The following MAP3K14 variants were observed in gnomAD, a reference collection of about 807,000 sequenced individuals.
The protein encoded by MAP3K14 is NF-kappa-beta-inducing kinase.
In MAP3K14, 16 loss-of-function variants were observed where a neutral mutation model predicts 99.2. The observed-to-expected ratio is 0.16, with a 90% CI of 0.11 to 0.24. The LOEUF is 0.24. Among genes scored for constraint, MAP3K14 ranks in the 10% least tolerant of loss-of-function variants. The pLI is 1.00. For missense variants in MAP3K14, 784 were observed against 1,208.7 expected (o/e 0.65, Z 5.21); for synonymous variants, 462 against 492.4 (o/e 0.94, Z 0.82).
chr17:45,291,562 G>A (rs1264487788), intron 1 of MAP3K14, among the ~76,000 whole-genome samples: 2 of 152,136 alleles, frequency 1.3e-5, no homozygotes, highest in African/African-American at 4.8e-5. Flanking sequence ...AAGAATTCAC[G>A]TCTCTCTGGG....
chr17:45,288,377 T>G (rs1031485479), intron 3 of MAP3K14, among the ~76,000 whole-genome samples: 148 of 98,640 alleles, frequency 1.5e-3, no homozygotes, highest in Non-Finnish European at 2.7e-3. Context: ...GCTTGAACTC[T>G]TGTTTTTTTT....
intron 1 of MAP3K14, among the ~76,000 whole-genome samples, chr17:45,296,397 C>T (rs879512290): frequency 1.3e-5 from 2 of 152,042 alleles, no homozygotes; most frequent in South Asian, 2.1e-4. Flanking sequence ...TGGTGGCACA[C>T]GCCTGTAGTC....
intron 1 of MAP3K14, among the ~76,000 whole-genome samples, chr17:45,300,391 T>A (rs575245310): frequency 2.3e-4 from 35 of 152,320 alleles, no homozygotes; most frequent in Admixed American, 2.1e-3. Flanking sequence ...CTCAAAGACA[T>A]CTGCTGGCTC....
Position 45,292,684 on chromosome 17 carries a change from C to A in MAP3K14, c.-20-1919G>T, listed in dbSNP as rs187882829. 2.6e-5 allele frequency among the ~76,000 whole-genome samples: 4 copies of A among 152,276 alleles called. 1 individual carries two copies. In the East Asian group the frequency reaches 5.8e-4, roughly 22 times the overall value. On this transcript the variant is annotated intron_variant, in intron 1 of 15. Transcript: ENST00000344686. ...CCTCACACCTCCCCACCCCACTCTA[C>A]CTCCAAAAAAGAAACTGACCTAAGC...
chr17:45,298,023 T>G (rs913955917), intron 1 of MAP3K14, among the ~76,000 whole-genome samples: 2 of 152,156 alleles, frequency 1.3e-5, no homozygotes, highest in Admixed American at 6.6e-5. Context: ...CTGGCCAGTT[T>G]AAATCGTTTT....
At chr17:45,290,014 C>T (rs1053416640) in intron 2 of MAP3K14, among the ~76,000 whole-genome samples, 2 of 152,220 alleles carry the variant, frequency 1.3e-5, no homozygotes, top group Admixed American at 6.5e-5. Flanking sequence ...TCTCACCCTG[C>T]AGCAGCCTGC....
chr17:45,267,925 C>T lies in MAP3K14; in HGVS notation c.1973-166G>A. On this transcript the variant is annotated intron_variant, in intron 11 of 15. Transcript: ENST00000344686. The surrounding 1 kb of genome is among the most constrained non-coding windows in gnomAD (Gnocchi z 5.1). ...GCTCCAGAGGGCAGCATGGTGGTCT[C>T]CACAGGAGACTTCCTCAATAAAATG... 1.7e-6 allele frequency: 1 copy of T among 588,388 alleles called. No individual in the cohort carries two copies. Among genetic ancestry groups the T allele is most frequent in the Non-Finnish European group, 2.9e-6 (1 of 339,294 alleles). 36.4% of individuals were successfully genotyped at this position (588,388 alleles called of 1,614,324 possible). A position where few individuals can be genotyped will look rare whatever the true frequency, so the allele number is the denominator to read the frequency against.
At chr17:45,287,570 T>C (rs2044277775) in intron 3 of MAP3K14, among the ~76,000 whole-genome samples, 1 of 152,240 alleles carries the variant, frequency 6.6e-6, no homozygotes, top group South Asian at 2.1e-4. Context: ...TTTTCTGCCA[T>C]ACAGGGTGGA....
In MAP3K14 at chr17:45,267,767, A is replaced by T. The variant is rs2044106591; in HGVS notation, c.1973-8T>A. ...GGCTCTTCAGACCTCCCACTAGAAA[A>T]CAGAGAGTACAATGGTGAGGGGAAG... On this transcript the variant is annotated splice_polypyrimidine_tract_variant and splice_region_variant and intron_variant, in intron 11 of 15. Coordinates refer to ENST00000344686, the MANE Select transcript of MAP3K14 (RefSeq NM_003954.5). This position sits in a 1 kb window ranked among gnomAD's most constrained non-coding sequence, Gnocchi z 5.1. The T allele has an allele frequency of 1.2e-6, 2 of 1,602,156 alleles. No individual in the cohort carries two copies. Among genetic ancestry groups the T allele is most frequent in the East Asian group, 4.5e-5 (2 of 44,848 alleles).
chr17:45,304,000 CT>C (rs1467237359), intron 1 of MAP3K14, among the ~76,000 whole-genome samples: 1 of 146,266 alleles, frequency 6.8e-6, no homozygotes, highest in Non-Finnish European at 1.5e-5. Context: ...AGATTTATTT[CT>C]TTTCTTTTCT....
chr17:45,297,115 G>A (rs1026792057), intron 1 of MAP3K14, among the ~76,000 whole-genome samples: 1 of 152,148 alleles, frequency 6.6e-6, no homozygotes, highest in African/African-American at 2.4e-5. Flanking sequence ...AATAAATGAG[G>A]CTCAATTTAT....
intron 1 of MAP3K14, among the ~76,000 whole-genome samples, chr17:45,315,794 C>T (rs1416348982): frequency 1.3e-5 from 2 of 152,090 alleles, no homozygotes; most frequent in South Asian, 4.1e-4. Flanking sequence ...AGGTGCCTCG[C>T]CCATAAAACA....
Position 45,264,607 on chromosome 17 carries a change from C to T in MAP3K14, c.*29G>A. The T allele has an allele frequency of 6.5e-7, 1 of 1,544,698 alleles. No homozygotes were observed. Among genetic ancestry groups the T allele is most frequent in the Non-Finnish European group, 8.7e-7 (1 of 1,144,760 alleles). ...CACCGAGCAGGAAGGCTGCTTCCGGCAGTGTGGAGCCGGCGGTGGAGGGCA... is the reference window on the plus strand; with the variant it reads ...CACCGAGCAGGAAGGCTGCTTCCGGTAGTGTGGAGCCGGCGGTGGAGGGCA... On this transcript the variant is annotated 3_prime_UTR_variant, in exon 16 of 16. Transcript: ENST00000344686.
chr17:45,276,704 G>A (rs1005593649), intron 6 of MAP3K14, among the ~76,000 whole-genome samples: 1 of 151,674 alleles, frequency 6.6e-6, no homozygotes, highest in African/African-American at 2.4e-5. Flanking sequence ...GTAGAGGCAG[G>A]GTTTCACCAT....
chr17:45,270,387 G>C (rs1432122306), intron 11 of MAP3K14, 26 bp downstream of exon 11: 4 of 1,602,832 alleles, frequency 2.5e-6, no homozygotes, highest in Non-Finnish European at 3.4e-6. Flanking sequence ...TGCCCCCCGG[G>C]TCAGCCAGCG....
At chr17:45,296,694 CCA>C (rs34184878) in intron 1 of MAP3K14, among the ~76,000 whole-genome samples, 1,958 of 152,302 alleles carry the variant, frequency 0.013, 20 homozygotes, top group Non-Finnish European at 0.021. Flanking sequence ...AGCCCTTCCC[CCA>C]GTTTGTTCCA....
intron 1 of MAP3K14, among the ~76,000 whole-genome samples, chr17:45,309,367 C>T (rs1598267104): frequency 6.6e-6 from 1 of 152,196 alleles, no homozygotes; most frequent in Admixed American, 6.5e-5. Flanking sequence ...GTGGCCTCCT[C>T]GCTCCCTCCA....
At chr17:45,290,997 A>C in intron 1 of MAP3K14, 11 of 459,748 alleles carry the variant, frequency 2.4e-5, no homozygotes, top group East Asian at 3.8e-5. Context: ...CCACAACATA[A>C]ACAGCCTCCT....
At position 45,266,983 on chromosome 17, in the gene MAP3K14, T is replaced by A. The variant is rs1050650417; in HGVS notation, c.2433+109A>T. The A allele has an allele frequency of 4.7e-6, 4 of 854,380 alleles. No individual in the cohort carries two copies. In the African/African-American group the frequency reaches 6.7e-5, roughly 14 times the overall value. 52.9% of individuals were successfully genotyped at this position (854,380 alleles called of 1,614,324 possible). A position where few individuals can be genotyped will look rare whatever the true frequency, so the allele number is the denominator to read the frequency against. On this transcript the variant is annotated intron_variant, in intron 13 of 15. Transcript: ENST00000344686. ...CCCCCATCACCCTCCCTTTACCCAC[T>A]ACTTGCACAGTGTCCATTCACTAGC... is the stretch of plus-strand genomic sequence containing the variant.
Sources: gnomAD v4.1 joint callset for allele counts (sites outside exome capture counted in the v4.1 genomes callset) on GRCh38, gnomAD v4.1.1 for gene constraint, Gnocchi (gnomAD v3.1) non-coding constraint, MANE v1.5 for transcripts, NCBI Gene and HGNC (gene_info 2026-07-23, HGNC 2026-07-21) for gene names.